The following CSGALNACT1 variants were observed in gnomAD, a reference collection of about 807,000 sequenced individuals.
CSGALNACT1 encodes the protein beta4GalNAcT-1.
CSGALNACT1 carries 52 observed loss-of-function variants against 51.0 expected under a neutral mutation model. The observed-to-expected ratio is 1.02, with a 90% confidence interval of 0.82 to 1.29. The LOEUF (loss-of-function observed/expected upper bound fraction) is 1.29, where lower values mean the gene tolerates loss of function less well. Ranked by LOEUF, CSGALNACT1 falls within the 50% of genes most tolerant of loss-of-function variation. CSGALNACT1 has a pLI of 0.00. For synonymous variants in CSGALNACT1, 341 were observed against 254.4 expected (o/e 1.34, Z -3.24); for missense variants, 935 against 679.2 (o/e 1.38, Z -4.19).
At chr8:19,604,892 G>A (rs2051138616), upstream of CSGALNACT1, among the ~76,000 whole-genome samples, 1 of 147,472 alleles carries the variant, frequency 6.8e-6, no homozygotes, top group Admixed American at 6.8e-5. Flanking sequence ...TCCAGCCTGG[G>A]CGACAGAGCA....
chr8:19,569,681 G>A (rs1393199488), intron 3 of CSGALNACT1, among the ~76,000 whole-genome samples: 1 of 152,164 alleles, frequency 6.6e-6, no homozygotes, highest in Non-Finnish European at 1.5e-5. Flanking sequence ...CTGTTTATCA[G>A]TGTGTTCTAA....
In CSGALNACT1 at chr8:19,428,500, C is replaced by T. The variant is rs146804590; in HGVS notation, c.954-7982G>A. On this transcript the variant is annotated intron_variant, in intron 6 of 9. Transcript: ENST00000454498. ...GGGAAAATGCCCCCATGATTAAATG[C>T]TCTCTCGCCAGGTCCCTCCCACAAC... is the stretch of plus-strand genomic sequence containing the variant. Among the ~76,000 whole-genome samples the T allele has an allele frequency of 1.5e-3, 233 of 152,272 alleles. 1 individual carries two copies. Among genetic ancestry groups the T allele is most frequent in the African/African-American group, 5.3e-3 (222 of 41,554 alleles).
At chr8:19,533,745 A>C (rs2083225330) in intron 3 of CSGALNACT1, among the ~76,000 whole-genome samples, 1 of 152,216 alleles carries the variant, frequency 6.6e-6, no homozygotes, top group East Asian at 1.9e-4. Flanking sequence ...TTGAGCTCCC[A>C]TAATATACTG....
rs11335504 is a variant in CSGALNACT1 at position 19,549,124 on chromosome 8, C to CT, written c.-297+42035dup. ...AAGCCAGCAAGACTAGCTGCTTATC[C>CT]TTTTTTTTTTTAATAGCAATTGGTA... On this transcript the variant is annotated intron_variant, in intron 3 of 9. Transcript: ENST00000454498. Among the ~76,000 whole-genome samples, 235 of 148,904 alleles carry CT rather than the reference C, an allele frequency of 1.6e-3. 1 individual carries two copies. The highest frequency in any genetic ancestry group is 3.2e-3 in the South Asian group (15 of 4,686).
At chr8:19,667,945 G>A (rs1002911972) in intron 1 of CSGALNACT1, among the ~76,000 whole-genome samples, 17 of 152,236 alleles carry the variant, frequency 1.1e-4, no homozygotes, top group Admixed American at 9.8e-4. Flanking sequence ...TTAAAGCGCA[G>A]ATCACAACTG....
intron 8 of CSGALNACT1, among the ~76,000 whole-genome samples, chr8:19,412,220 C>G (rs1262445326): frequency 6.6e-6 from 1 of 152,202 alleles, no homozygotes; most frequent in East Asian, 1.9e-4. Flanking sequence ...ACCTGAGATC[C>G]CAGCAGAGCA....
At chr8:19,756,337 T>C (rs1014144459) in intron 1 of CSGALNACT1, among the ~76,000 whole-genome samples, 1 of 152,240 alleles carries the variant, frequency 6.6e-6, no homozygotes, top group Non-Finnish European at 1.5e-5. Context: ...AAGTGGAGTT[T>C]GTGAAATTTA....
chr8:19,425,888 G>C (rs2058701266), intron 6 of CSGALNACT1, among the ~76,000 whole-genome samples: 1 of 152,096 alleles, frequency 6.6e-6, no homozygotes, highest in African/African-American at 2.4e-5. Context: ...TAAGGCCCAT[G>C]TCAAGAATCA....
intron 1 of CSGALNACT1, among the ~76,000 whole-genome samples, chr8:19,742,785 G>C (rs936004125): frequency 1.3e-5 from 2 of 152,196 alleles, no homozygotes; most frequent in African/African-American, 4.8e-5. Flanking sequence ...TGAAGGGTCT[G>C]GAAACTGGGA....
intron 4 of CSGALNACT1, among the ~76,000 whole-genome samples, chr8:19,490,904 G>C (rs934913118): frequency 1.3e-5 from 2 of 152,070 alleles, no homozygotes; most frequent in African/African-American, 4.8e-5. Context: ...CTACCACCTC[G>C]AAACCTGGGA....
intron 4 of CSGALNACT1, among the ~76,000 whole-genome samples, chr8:19,474,507 G>C (rs773033682): frequency 6.6e-6 from 1 of 152,136 alleles, no homozygotes; most frequent in African/African-American, 2.4e-5. Flanking sequence ...CCAGATGATA[G>C]TGAATGGAGA....
At chr8:19,548,723 C>G (rs781412332) in intron 3 of CSGALNACT1, among the ~76,000 whole-genome samples, 58 of 152,324 alleles carry the variant, frequency 3.8e-4, no homozygotes, top group Middle Eastern at 3.4e-3. Flanking sequence ...CCCTCTCCAA[C>G]TTCCCTGAGT....
intron 5 of CSGALNACT1, among the ~76,000 whole-genome samples, chr8:19,457,311 T>A (rs1586437973): frequency 6.6e-6 from 1 of 152,180 alleles, no homozygotes; most frequent in African/African-American, 2.4e-5. Flanking sequence ...TAATGTAAAT[T>A]TACTAAGATT....
At chr8:19,674,258 G>T (rs568238361) in intron 1 of CSGALNACT1, among the ~76,000 whole-genome samples, 3 of 152,060 alleles carry the variant, frequency 2.0e-5, no homozygotes, top group Non-Finnish European at 4.4e-5. Flanking sequence ...GTGCCACTGC[G>T]CTCCAGCCTG....
chr8:19,729,895 T>A (rs985398630), intron 1 of CSGALNACT1, among the ~76,000 whole-genome samples: 5 of 152,120 alleles, frequency 3.3e-5, no homozygotes, highest in Admixed American at 6.5e-5. Flanking sequence ...AACTGTCACC[T>A]TTTTGTGAGA....
At chr8:19,665,350 G>A (rs370479020) in intron 1 of CSGALNACT1, among the ~76,000 whole-genome samples, 3 of 152,126 alleles carry the variant, frequency 2.0e-5, no homozygotes, top group East Asian at 3.9e-4. Context: ...TAAATGCCAC[G>A]GCTCTTTTGG....
Position 19,541,320 on chromosome 8 carries a change from G to A in CSGALNACT1, c.-296-35190C>T, listed in dbSNP as rs534691163. The stretch of plus-strand genomic sequence containing the variant: ...GGCTGGAGTGCACTGGCGTGATCTC[G>A]GCTCACTGCAAGCTCTGCCTCCTGG... On this transcript the variant is annotated intron_variant, in intron 3 of 9. Transcript: ENST00000454498. Among the ~76,000 whole-genome samples the A allele has an allele frequency of 8.9e-5, 13 of 145,728 alleles. No individual in the cohort carries two copies. The South Asian group carries it at 1.1e-3, about 12-fold the overall frequency.
At chr8:19,477,382 G>A (rs1014340606) in intron 4 of CSGALNACT1, among the ~76,000 whole-genome samples, 2 of 152,166 alleles carry the variant, frequency 1.3e-5, no homozygotes, top group Non-Finnish European at 2.9e-5. Context: ...ACACAACTGA[G>A]CACGGCTATA....
At chr8:19,471,262 G>A (rs2068097687) in intron 4 of CSGALNACT1, among the ~76,000 whole-genome samples, 2 of 152,176 alleles carry the variant, frequency 1.3e-5, no homozygotes, top group South Asian at 2.1e-4. Flanking sequence ...AGGGTAAGGA[G>A]AACACTGCGC....
Sources: gnomAD v4.1 joint callset for allele counts (sites outside exome capture counted in the v4.1 genomes callset) on GRCh38, gnomAD v4.1.1 for gene constraint, MANE v1.5 for transcripts, NCBI Gene and HGNC (gene_info 2026-07-23, HGNC 2026-07-21) for gene names.